P4HB: variants seen among roughly 807,000 people sequenced by gnomAD.
The protein encoded by P4HB is prolyl 4-hydroxylase subunit beta.
Under a neutral mutation model 52.6 loss-of-function variants are expected in P4HB, and 20 were observed. The observed-to-expected ratio is 0.38, with a 90% confidence interval of 0.27 to 0.55. P4HB has a LOEUF of 0.55. Among genes scored for constraint, P4HB ranks in the 20% least tolerant of loss-of-function variants. The probability of loss-of-function intolerance (pLI) is 0.74; values close to 1 mark genes in which losing one functional copy is unlikely to be tolerated. For missense variants in P4HB, 601 were observed against 669.2 expected (o/e 0.90, Z 1.12); for synonymous variants, 296 against 277.9 (o/e 1.07, Z -0.65).
At position 81,846,238 on chromosome 17, in the gene P4HB, G is replaced by A. The variant is rs1035407858; in HGVS notation, c.1056+191C>T. ...TCCCTGAGGAGCATCTGGGCCAGCCGTGTGGACAAGAGGGCTCCTACAGGT... is the reference window on the plus strand; with the variant it reads ...TCCCTGAGGAGCATCTGGGCCAGCCATGTGGACAAGAGGGCTCCTACAGGT... On this transcript the variant is annotated intron_variant, in intron 7 of 10. Transcript: ENST00000331483. This position sits in a 1 kb window ranked among gnomAD's most constrained non-coding sequence, Gnocchi z 5.7. The A allele has an allele frequency of 3.4e-5, 24 of 714,300 alleles. No homozygotes were observed. The highest frequency in any genetic ancestry group is 2.4e-4 in the South Asian group (13 of 53,492). 44.2% of individuals were successfully genotyped at this position (714,300 alleles called of 1,614,324 possible).
Position 81,846,372 on chromosome 17 carries a change from A to AC in P4HB, c.1056+56dup. On this transcript the variant is annotated intron_variant, in intron 7 of 10. Transcript: ENST00000331483. The surrounding 1 kb of genome is among the most constrained non-coding windows in gnomAD (Gnocchi z 5.7). ...AGCCCAGGACACTGAGAGCCCAGAG[A>AC]CCCCAAGGTGGCGGCTCTACCCGGG... The AC allele has an allele frequency of 6.7e-7, 1 of 1,484,138 alleles. No individual in the cohort carries two copies. The highest frequency in any genetic ancestry group is 9.4e-7 in the Non-Finnish European group (1 of 1,065,336). The allele number at this position is 1,484,138 out of a possible 1,614,324, so 91.9% of individuals were successfully genotyped here.
At chr17:81,849,534 A>AT (rs1281124898) in intron 4 of P4HB, among the ~76,000 whole-genome samples, 1 of 152,090 alleles carries the variant, frequency 6.6e-6, no homozygotes, top group Non-Finnish European at 1.5e-5. Context: ...GAAAAAAACG[A>AT]TTTTTTACAT....
In P4HB at chr17:81,847,126, G is replaced by A. The variant is rs1598264418; in HGVS notation, c.730-54C>T. On this transcript the variant is annotated intron_variant, in intron 5 of 10. Coordinates refer to ENST00000331483, the MANE Select transcript of P4HB (RefSeq NM_000918.4). ...TGAGTCACACACTATTAATGCAGAA[G>A]ATTCTCCCAATGGCCTCCAATGTCA... The A allele has an allele frequency of 6.2e-6, 10 of 1,610,896 alleles. No homozygotes were observed. The African/African-American group carries it at 1.3e-4, about 21-fold the overall frequency.
intron 10 of P4HB, among the ~76,000 whole-genome samples, chr17:81,844,302 G>A (rs1332625682): frequency 6.6e-6 from 1 of 152,198 alleles, no homozygotes; most frequent in Non-Finnish European, 1.5e-5. Flanking sequence ...CCTATAGCAG[G>A]ATGAATCAGA....
In P4HB at chr17:81,855,410, T is replaced by C. The variant is rs201612106; in HGVS notation, c.486+43A>G. On this transcript the variant is annotated intron_variant, in intron 3 of 10. Transcript: ENST00000331483. The surrounding 1 kb of genome is among the most constrained non-coding windows in gnomAD (Gnocchi z 4.3). ...CTGCAGGCTGTGGACCCCTCCTCAATGGATGACGGAAGGAAGGAAGACTGG... is the reference window on the plus strand; with the variant it reads ...CTGCAGGCTGTGGACCCCTCCTCAACGGATGACGGAAGGAAGGAAGACTGG... 1 of 1,598,846 alleles carries C rather than the reference T, an allele frequency of 6.3e-7. No homozygotes were observed. The highest frequency in any genetic ancestry group is 8.5e-7 in the Non-Finnish European group (1 of 1,169,880).
chr17:81,859,590 A>G lies in P4HB; in HGVS notation c.146-203T>C, dbSNP rs530698827. 4.6e-4 allele frequency: 267 copies of G among 582,266 alleles called. 4 individuals are homozygous for G. The Admixed American group carries it at 7.4e-3, about 16-fold the overall frequency. 36.1% of individuals were successfully genotyped at this position (582,266 alleles called of 1,614,324 possible). On this transcript the variant is annotated intron_variant, in intron 1 of 10. Transcript: ENST00000331483. ...TCAGGACAGAGGCCGTGAACGACAAACTACCACCAACCAACACCAGCCCCC... is the reference window on the plus strand; with the variant it reads ...TCAGGACAGAGGCCGTGAACGACAAGCTACCACCAACCAACACCAGCCCCC...
intron 5 of P4HB, 83 bp from the exon 6 acceptor site, chr17:81,847,155 G>T (rs990741706): frequency 2.5e-6 from 4 of 1,595,568 alleles, no homozygotes; most frequent in African/African-American, 1.3e-5. Flanking sequence ...AATGTCAGAC[G>T]CTGGACAGCA....
At chr17:81,858,700 T>G (rs920806623) in intron 2 of P4HB, 2 of 173,794 alleles carry the variant, frequency 1.2e-5, no homozygotes, top group African/African-American at 4.8e-5. Context: ...GTTACTCAGC[T>G]GCTCTAAGCC....
At chr17:81,850,915 A>G (rs529595248) in intron 4 of P4HB, among the ~76,000 whole-genome samples, 22 of 149,374 alleles carry the variant, frequency 1.5e-4, no homozygotes, top group Admixed American at 4.7e-4. Flanking sequence ...GGTGTGAGCC[A>G]CCAAGCCTGG....
At position 81,860,495 on chromosome 17, in the gene P4HB, G is replaced by A. The variant is rs1029512098; in HGVS notation, c.-24C>T. ...ATGTCGGACACGGATCAGGCGGGGC[G>A]CTTCGGTTGGCGCCGCCGGGACAGC... On this transcript the variant is annotated 5_prime_UTR_variant, in exon 1 of 11. Transcript: ENST00000331483. 30 of 1,249,806 alleles carry A rather than the reference G, an allele frequency of 2.4e-5. No homozygotes were observed. The highest frequency in any genetic ancestry group is 7.8e-5 in the African/African-American group (5 of 64,170). 77.4% of individuals were successfully genotyped at this position (1,249,806 alleles called of 1,614,324 possible). A position where few individuals can be genotyped will look rare whatever the true frequency, so the allele number is the denominator to read the frequency against.
Position 81,855,318 on chromosome 17 carries a change from G to A in P4HB, c.487-39C>T, listed in dbSNP as rs779902956. 14 of 1,612,652 alleles carry A rather than the reference G, an allele frequency of 8.7e-6. No homozygotes were observed. Among genetic ancestry groups the A allele is most frequent in the South Asian group, 3.3e-5 (3 of 90,996 alleles). On this transcript the variant is annotated intron_variant, in intron 3 of 10. Coordinates refer to ENST00000331483, the MANE Select transcript of P4HB (RefSeq NM_000918.4). The surrounding 1 kb of genome is among the most constrained non-coding windows in gnomAD (Gnocchi z 4.3). ...GAGAAGCAGAGGTCGTCATGATCCC[G>A]CAGCACCAAGCAGTAGGGCAGACCC... is the stretch of plus-strand genomic sequence containing the variant.
intron 2 of P4HB, among the ~76,000 whole-genome samples, chr17:81,856,838 C>A (rs1406070396): frequency 6.6e-6 from 1 of 151,428 alleles, no homozygotes; most frequent in South Asian, 2.1e-4. Flanking sequence ...TTAGTAGAGA[C>A]GGGGTTTCAC....
chr17:81,846,312 G>A lies in P4HB; in HGVS notation c.1056+117C>T, dbSNP rs908871233. ...TGGTCTTCACACCATCTTGGGCTCC[G>A]TCCTCTTACTCTGAAGATCTTACTT... is the stretch of plus-strand genomic sequence containing the variant. On this transcript the variant is annotated intron_variant, in intron 7 of 10. Coordinates refer to ENST00000331483, the MANE Select transcript of P4HB (RefSeq NM_000918.4). The surrounding 1 kb of genome is among the most constrained non-coding windows in gnomAD (Gnocchi z 5.7). 1.4e-5 allele frequency: 14 copies of A among 973,782 alleles called. No homozygotes were observed. The highest frequency in any genetic ancestry group is 3.3e-4 in the Middle Eastern group (1 of 3,076). 60.3% of individuals were successfully genotyped at this position (973,782 alleles called of 1,614,324 possible). A position where few individuals can be genotyped will look rare whatever the true frequency, so the allele number is the denominator to read the frequency against.
In P4HB at chr17:81,860,411, CG is replaced by C; in HGVS notation, c.60del (p.Glu21ArgfsTer50). ...AGCACCAGGACGTGGTCCTCCTCCT[CG>C]GGGGCGTCGGCGCGCACCAGGGCGG... ...AVAALVRADA[P>X]EEEDHVLVLR... On this transcript the variant is annotated frameshift_variant, in exon 1 of 11. Transcript: ENST00000331483. LOFTEE classifies it high-confidence loss of function. The C allele has an allele frequency of 1.4e-6, 2 of 1,437,236 alleles. No individual in the cohort carries two copies. Among genetic ancestry groups the C allele is most frequent in the Non-Finnish European group, 1.8e-6 (2 of 1,092,402 alleles). 89.0% of individuals were successfully genotyped at this position (1,437,236 alleles called of 1,614,324 possible).
intron 4 of P4HB, among the ~76,000 whole-genome samples, chr17:81,850,976 C>T (rs898107373): frequency 2.0e-5 from 3 of 151,152 alleles, no homozygotes; most frequent in Non-Finnish European, 2.9e-5. Context: ...CTGTCGCCTA[C>T]GCTGGAGTGC....
chr17:81,858,042 G>A (rs1320833818), intron 2 of P4HB, among the ~76,000 whole-genome samples: 3 of 152,028 alleles, frequency 2.0e-5, no homozygotes, highest in African/African-American at 7.2e-5. Context: ...CTAGGAGGCC[G>A]AGACGGGTGG....
At chr17:81,850,066 G>A (rs1465208848) in intron 4 of P4HB, among the ~76,000 whole-genome samples, 2 of 151,542 alleles carry the variant, frequency 1.3e-5, no homozygotes, top group East Asian at 1.9e-4. Context: ...GACCCCAGGT[G>A]ATCCACTTGC....
intron 4 of P4HB, among the ~76,000 whole-genome samples, chr17:81,850,535 T>C (rs1415519883): frequency 3.3e-5 from 5 of 152,184 alleles, no homozygotes; most frequent in East Asian, 3.9e-4. Context: ...TAGAGTGCAA[T>C]GGCACGATCT....
intron 10 of P4HB, 107 bp downstream of exon 10, chr17:81,845,037 G>A: frequency 3.3e-6 from 3 of 918,042 alleles, no homozygotes; most frequent in Non-Finnish European, 5.1e-6. Flanking sequence ...GCACAGACGT[G>A]CCTCCAATGG....
Sources: allele counts gnomAD v4.1 joint callset (sites outside exome capture counted in the v4.1 genomes callset), GRCh38; gene constraint gnomAD v4.1.1; non-coding constraint Gnocchi (gnomAD v3.1); transcripts MANE v1.5; gene names NCBI Gene and HGNC (gene_info 2026-07-23, HGNC 2026-07-21).